Variants in TRIO observed in about 807,000 individuals in gnomAD.
The protein encoded by TRIO is trio Rho guanine nucleotide exchange factor, also known as triple functional domain protein.
Under a neutral mutation model 351.9 loss-of-function variants are expected in TRIO, and 58 were observed. The observed-to-expected ratio is 0.16, with a 90% CI of 0.13 to 0.21. The LOEUF (loss-of-function observed/expected upper bound fraction) is 0.21, where lower values mean the gene tolerates loss of function less well. Among genes scored for constraint, TRIO ranks in the 10% least tolerant of loss-of-function variants. TRIO has a pLI of 1.00. For synonymous variants in TRIO, 1,758 were observed against 1,595.7 expected, an observed-to-expected ratio of 1.10 and a Z score of -2.42; for missense variants, 3,201 against 4,027.8, an observed-to-expected ratio of 0.79 and a Z score of 5.56.
At chr5:14,274,333 C>T (rs1735310682) in intron 2 of TRIO, among the ~76,000 whole-genome samples, 1 of 152,242 alleles carries the variant, frequency 6.6e-6, no homozygotes, top group African/African-American at 2.4e-5. Context: ...TTCACTTCCC[C>T]CATATTTCTT....
At chr5:14,459,960 G>A (rs897955445) in intron 34 of TRIO, among the ~76,000 whole-genome samples, 8 of 151,238 alleles carry the variant, frequency 5.3e-5, no homozygotes, top group East Asian at 1.9e-4. Context: ...CTGTCGTTCC[G>A]GCTGGAGTGC....
chr5:14,308,964 C>G (rs1738655988), intron 8 of TRIO, among the ~76,000 whole-genome samples: 1 of 151,884 alleles, frequency 6.6e-6, no homozygotes, highest in African/African-American at 2.4e-5. Context: ...TCCATACACC[C>G]AGTCACCCAA....
chr5:14,394,654 T>C (rs1747407393), intron 28 of TRIO, among the ~76,000 whole-genome samples: 1 of 152,180 alleles, frequency 6.6e-6, no homozygotes, highest in African/African-American at 2.4e-5. Flanking sequence ...TGCTTGTCCC[T>C]GATGTCACAC....
intron 1 of TRIO, among the ~76,000 whole-genome samples, chr5:14,255,727 T>C (rs1265249388): frequency 1.3e-5 from 2 of 152,240 alleles, no homozygotes; most frequent in East Asian, 1.9e-4. Flanking sequence ...TTTTATACAA[T>C]ATTTTAAATA....
At chr5:14,238,518 A>G (rs762999991) in intron 1 of TRIO, among the ~76,000 whole-genome samples, 1 of 152,176 alleles carries the variant, frequency 6.6e-6, no homozygotes, top group East Asian at 1.9e-4. Flanking sequence ...ACCACCTGTC[A>G]TGGATTCCTG....
intron 1 of TRIO, among the ~76,000 whole-genome samples, chr5:14,215,862 G>A (rs756222806): frequency 6.6e-6 from 1 of 152,096 alleles, no homozygotes; most frequent in Non-Finnish European, 1.5e-5. Flanking sequence ...TTTGAGAGTC[G>A]GTGACTTATT....
chr5:14,467,585 G>A (rs938873096), intron 37 of TRIO, among the ~76,000 whole-genome samples: 2 of 152,152 alleles, frequency 1.3e-5, no homozygotes, highest in African/African-American at 4.8e-5. Context: ...GGAGGCCAAG[G>A]CAGGCATATT....
At chr5:14,207,891 AG>A (rs1374449451) in intron 1 of TRIO, among the ~76,000 whole-genome samples, 2 of 152,238 alleles carry the variant, frequency 1.3e-5, no homozygotes, top group Non-Finnish European at 2.9e-5. Context: ...TCAACAAAGA[AG>A]GGCAAATAAA....
At chr5:14,210,439 G>T (rs969861572) in intron 1 of TRIO, among the ~76,000 whole-genome samples, 3 of 152,178 alleles carry the variant, frequency 2.0e-5, no homozygotes, top group Non-Finnish European at 2.9e-5. Context: ...TGTGGCCTGC[G>T]TTTAGCTTCT....
intron 1 of TRIO, among the ~76,000 whole-genome samples, chr5:14,212,628 G>A (rs1250150808): frequency 6.6e-6 from 1 of 152,130 alleles, no homozygotes; most frequent in African/African-American, 2.4e-5. Flanking sequence ...GGTAAGAATT[G>A]TTGGCATTAT....
chr5:14,145,026 G>C (rs1787416624), intron 1 of TRIO, among the ~76,000 whole-genome samples: 1 of 152,096 alleles, frequency 6.6e-6, no homozygotes, highest in South Asian at 2.1e-4. Flanking sequence ...GGCCAGGTCC[G>C]GGCCTGGAGA....
chr5:14,347,070 G>A lies in TRIO; in HGVS notation c.2046+10343G>A, dbSNP rs1742489108. 2.0e-5 allele frequency among the ~76,000 whole-genome samples: 3 copies of A among 150,368 alleles called. 1 individual carries two copies. Among genetic ancestry groups the A allele is most frequent in the Admixed American group, 2.0e-4 (3 of 15,084 alleles). ...GTCCTGCAGAACAGAGATGATGCTG[G>A]ACCAGTCATCTCAGGCGGACCTGAG... On this transcript the variant is annotated intron_variant, in intron 11 of 56. Transcript: ENST00000344204.
chr5:14,208,600 G>A (rs1791682554), intron 1 of TRIO, among the ~76,000 whole-genome samples: 1 of 152,242 alleles, frequency 6.6e-6, no homozygotes, highest in Non-Finnish European at 1.5e-5. Flanking sequence ...TCTGTGCTTT[G>A]AGTCCTTATG....
At chr5:14,270,594 G>A (rs1375702764) in intron 1 of TRIO, among the ~76,000 whole-genome samples, 1 of 152,202 alleles carries the variant, frequency 6.6e-6, no homozygotes, top group Admixed American at 6.5e-5. Flanking sequence ...CTCAGAGCGA[G>A]CCTTTTGGGG....
rs767319751 is a variant in TRIO at position 14,248,826 on chromosome 5, TC to T, written c.158-21995del. On this transcript the variant is annotated intron_variant, in intron 1 of 56. Transcript: ENST00000344204. ...CAAGCCCACCAATAAGAAATTCTGA[TC>T]CCCATATTATGGGCAATGGCTCCAA... Among the ~76,000 whole-genome samples, 16 of 152,200 alleles carry T rather than the reference TC, an allele frequency of 1.1e-4. No homozygotes were observed. The East Asian group carries it at 3.1e-3, about 29-fold the overall frequency.
chr5:14,342,395 A>G (rs1579374888), intron 11 of TRIO, among the ~76,000 whole-genome samples: 1 of 152,222 alleles, frequency 6.6e-6, no homozygotes, highest in East Asian at 1.9e-4. Flanking sequence ...AAAACTGACT[A>G]AAGGTCCACA....
rs747879617 is a variant in TRIO at position 14,387,427 on chromosome 5, G to GT, written c.3571-5dup. ...ATTTGCCTCACAATACTTTCCTGTT[G>GT]TTTTTTGCAGCAAACCAAAGAGAGA... On this transcript the variant is annotated splice_polypyrimidine_tract_variant and intron_variant, in intron 21 of 56. Transcript: ENST00000344204. 8.8e-6 allele frequency: 14 copies of GT among 1,595,042 alleles called. No homozygotes were observed. The East Asian group carries it at 2.7e-4, about 31-fold the overall frequency.
At chr5:14,336,782 T>C (rs1490363068) in intron 11 of TRIO, 55 bp downstream of exon 11, 7 of 1,584,922 alleles carry the variant, frequency 4.4e-6, no homozygotes, top group Non-Finnish European at 6.0e-6. Flanking sequence ...CTTTGAACTC[T>C]TTTGGAGGAA....
chr5:14,179,435 A>G (rs569885240), intron 1 of TRIO, among the ~76,000 whole-genome samples: 1 of 152,064 alleles, frequency 6.6e-6, no homozygotes, highest in South Asian at 2.1e-4. Context: ...AAATATTTAA[A>G]TAAATCAACA....
Sources: gnomAD v4.1 joint callset for allele counts (sites outside exome capture counted in the v4.1 genomes callset) on GRCh38, gnomAD v4.1.1 for gene constraint, MANE v1.5 for transcripts, NCBI Gene and HGNC (gene_info 2026-07-23, HGNC 2026-07-21) for gene names.